The following DIAPH2 variants were observed in gnomAD, a reference collection of about 807,000 sequenced individuals.
DIAPH2 encodes the protein protein diaphanous homolog 2.
DIAPH2 carries 35 observed loss-of-function variants against 92.7 expected under a neutral mutation model. That is an observed-to-expected ratio of 0.38 (90% CI 0.29 to 0.50). The LOEUF (loss-of-function observed/expected upper bound fraction) is 0.50, where lower values mean the gene tolerates loss of function less well. Ranked by LOEUF, DIAPH2 falls within the 20% of genes least tolerant of loss-of-function variation. The pLI, the probability that DIAPH2 is intolerant of heterozygous loss-of-function variation, is 0.94. For synonymous variants in DIAPH2, 301 were observed against 280.4 expected, an observed-to-expected ratio of 1.07 and a Z score of -0.73; for missense variants, 701 against 819.5, an observed-to-expected ratio of 0.86 and a Z score of 1.77.
At chrX:96,894,658 A>C (rs1285776025) in intron 5 of DIAPH2, among the ~76,000 whole-genome samples, 3 of 111,617 alleles carry the variant, frequency 2.7e-5, no homozygotes, top group African/African-American at 9.8e-5. Context: ...GGATCTTCAA[A>C]AACTTTTCTG....
chrX:96,868,600 C>G (rs2065119534), intron 4 of DIAPH2, among the ~76,000 whole-genome samples: 1 of 111,615 alleles, frequency 9.0e-6, no homozygotes, highest in Non-Finnish European at 1.9e-5. Flanking sequence ...AGTCCTTTAA[C>G]CTTCAAACTC....
intron 4 of DIAPH2, among the ~76,000 whole-genome samples, chrX:96,807,246 G>A (rs1177693164): frequency 8.9e-6 from 1 of 111,888 alleles, no homozygotes; most frequent in Non-Finnish European, 1.9e-5. Context: ...AACTATCATA[G>A]GTCTGATACA....
At chrX:97,299,342 C>A (rs1056139928) in intron 23 of DIAPH2, among the ~76,000 whole-genome samples, 25 of 111,707 alleles carry the variant, frequency 2.2e-4, no homozygotes, top group African/African-American at 7.5e-4. Context: ...TGACGTTTAC[C>A]ATCAACCCCT....
intron 23 of DIAPH2, among the ~76,000 whole-genome samples, chrX:97,320,725 A>T (rs1201774174): frequency 9.4e-6 from 1 of 106,845 alleles, no homozygotes; most frequent in African/African-American, 3.6e-5. Context: ...AAAAAAAAAA[A>T]AAAAAAAAAA....
intron 25 of DIAPH2, among the ~76,000 whole-genome samples, chrX:97,420,402 G>A (rs1048896648): frequency 3.6e-5 from 4 of 111,693 alleles, no homozygotes; most frequent in African/African-American, 1.3e-4. Flanking sequence ...TCAGTTTGGG[G>A]TATAATATCC....
At chrX:97,185,491 A>G (rs909648385) in intron 22 of DIAPH2, among the ~76,000 whole-genome samples, 10 of 44,228 alleles carry the variant, frequency 2.3e-4, no homozygotes, top group Non-Finnish European at 2.8e-4. Context: ...ATATATATAT[A>G]TATATATATA....
intron 4 of DIAPH2, among the ~76,000 whole-genome samples, chrX:96,784,033 T>C (rs1163265570): frequency 8.9e-6 from 1 of 112,145 alleles, no homozygotes; most frequent in African/African-American, 3.2e-5. Context: ...ATGGATACTC[T>C]GATCTCCCCA....
intron 12 of DIAPH2, among the ~76,000 whole-genome samples, chrX:96,939,845 A>G (rs1191946780): frequency 2.3e-5 from 2 of 85,744 alleles, no homozygotes; most frequent in Non-Finnish European, 2.2e-5. Flanking sequence ...TTGTATTTTT[A>G]GTAGAGACGG....
At chrX:96,810,181 T>C (rs1483344227) in intron 4 of DIAPH2, among the ~76,000 whole-genome samples, 1 of 112,229 alleles carries the variant, frequency 8.9e-6, no homozygotes, top group African/African-American at 3.2e-5. Context: ...TAGCATCTGT[T>C]GTTTCCTGAC....
chrX:97,141,310 A>G (rs1435856857), intron 21 of DIAPH2, among the ~76,000 whole-genome samples: 1 of 111,707 alleles, frequency 9.0e-6, no homozygotes, highest in African/African-American at 3.2e-5. Flanking sequence ...TATTTTTGTA[A>G]TAAAGCAAAG....
chrX:97,601,038 A>AATGCACACAC lies in DIAPH2; in HGVS notation c.*1733_*1742dup, dbSNP rs1315476442. The AATGCACACAC allele has an allele frequency of 8.9e-6, 1 of 112,457 alleles. No homozygotes were observed. Among genetic ancestry groups the AATGCACACAC allele is most frequent in the African/African-American group, 3.2e-5 (1 of 31,048 alleles). 9.3% of individuals were successfully genotyped at this position (112,457 alleles called of 1,213,427 possible). The stretch of plus-strand genomic sequence containing the variant: ...TCCGATCTGAAAACACACATACACA[A>AATGCACACAC]ATGCACACACATGCACACACACATT... On this transcript the variant is annotated 3_prime_UTR_variant, in exon 27 of 27. Coordinates refer to ENST00000324765, the MANE Select transcript of DIAPH2 (RefSeq NM_006729.5).
At chrX:97,120,614 G>GTTTTTTT (rs139009030) in intron 21 of DIAPH2, among the ~76,000 whole-genome samples, 2 of 75,849 alleles carry the variant, frequency 2.6e-5, no homozygotes, top group Non-Finnish European at 5.0e-5. Flanking sequence ...TTTTTTGTGG[G>GTTTTTTT]TTTTTTTTTT....
intron 26 of DIAPH2, among the ~76,000 whole-genome samples, chrX:97,552,244 C>G (rs1349960078): frequency 1.4e-5 from 1 of 74,060 alleles, no homozygotes; most frequent in East Asian, 3.9e-4. Flanking sequence ...GTACCATATT[C>G]CATAGAAAGG....
chrX:96,966,590 A>G (rs1165010484), intron 17 of DIAPH2, among the ~76,000 whole-genome samples: 3 of 111,964 alleles, frequency 2.7e-5, no homozygotes, highest in African/African-American at 9.7e-5. Flanking sequence ...CCTAAAGATT[A>G]TTCTGTAGGT....
intron 5 of DIAPH2, among the ~76,000 whole-genome samples, chrX:96,895,693 G>A (rs1165711870): frequency 1.8e-5 from 2 of 111,673 alleles, no homozygotes; most frequent in Non-Finnish European, 3.8e-5. Context: ...CAATAATCTA[G>A]CTCAGGCCTC....
intron 23 of DIAPH2, among the ~76,000 whole-genome samples, chrX:97,303,315 C>G (rs975881597): frequency 3.6e-5 from 4 of 111,607 alleles, no homozygotes; most frequent in Non-Finnish European, 7.5e-5. Context: ...GATACTGGAA[C>G]AACAGATCAT....
intron 5 of DIAPH2, among the ~76,000 whole-genome samples, chrX:96,908,436 T>G (rs2065447370): frequency 1.8e-5 from 2 of 111,035 alleles, no homozygotes; most frequent in African/African-American, 3.3e-5. Context: ...ACAGAAAAAT[T>G]TATGTCTTTG....
In DIAPH2 at chrX:97,583,311, A is replaced by G. The variant is rs370348177; in HGVS notation, c.3242-15942A>G. 3.9e-3 allele frequency among the ~76,000 whole-genome samples: 423 copies of G among 108,435 alleles called. 6 individuals are homozygous for G. The East Asian group carries it at 0.06, about 15-fold the overall frequency. The allele number at this position is 108,435 out of a possible 115,157, so 94.2% of individuals were successfully genotyped here. On this transcript the variant is annotated intron_variant, in intron 26 of 26. Transcript: ENST00000324765. ...TTTCCCCATCTTTGTGGTTTTATCT[A>G]CTTTTGGTCTTTGATGATGGTGATG... is the stretch of plus-strand genomic sequence containing the variant.
At chrX:96,874,186 G>A (rs1476637092) in intron 4 of DIAPH2, among the ~76,000 whole-genome samples, 1 of 111,688 alleles carries the variant, frequency 9.0e-6, no homozygotes, top group African/African-American at 3.2e-5. Context: ...CTGAAAATAT[G>A]TTTTCCTTTC....
Sources: allele counts gnomAD v4.1 joint callset (sites outside exome capture counted in the v4.1 genomes callset), GRCh38; gene constraint gnomAD v4.1.1; transcripts MANE v1.5; gene names NCBI Gene and HGNC (gene_info 2026-07-23, HGNC 2026-07-21).